Variants in MIPOL1 observed in about 807,000 individuals in gnomAD.
MIPOL1 encodes mirror-image polydactyly 1.
Under a neutral mutation model 60.9 loss-of-function variants are expected in MIPOL1, and 57 were observed. The observed-to-expected ratio is 0.94, with a 90% CI of 0.76 to 1.17. MIPOL1 has a LOEUF of 1.17. Among genes scored for constraint, MIPOL1 ranks in the 50% most tolerant of loss-of-function variants. The pLI is 0.00. For missense variants in MIPOL1, 551 were observed against 511.6 expected (o/e 1.08, Z -0.74); for synonymous variants, 179 against 168.8 (o/e 1.06, Z -0.47).
chr14:37,340,471 G>A (rs1303831013), intron 9 of MIPOL1, among the ~76,000 whole-genome samples: 1 of 152,116 alleles, frequency 6.6e-6, no homozygotes, highest in Non-Finnish European at 1.5e-5. Flanking sequence ...AGCACTTTGG[G>A]AGGCCAAGTC....
At chr14:37,477,166 C>T (rs1025576230) in intron 11 of MIPOL1, among the ~76,000 whole-genome samples, 2 of 152,018 alleles carry the variant, frequency 1.3e-5, no homozygotes. Context: ...TCCCAAAGTG[C>T]TAGGATTACA....
At chr14:37,450,252 T>A (rs547073553) in intron 11 of MIPOL1, among the ~76,000 whole-genome samples, 1 of 152,316 alleles carries the variant, frequency 6.6e-6, no homozygotes, top group South Asian at 2.1e-4. Context: ...TGTGTGGCTC[T>A]CCAGTTTGCT....
intron 9 of MIPOL1, among the ~76,000 whole-genome samples, chr14:37,364,650 G>C (rs1266202722): frequency 6.6e-6 from 1 of 152,158 alleles, no homozygotes; most frequent in Non-Finnish European, 1.5e-5. Flanking sequence ...TTAAAGTGAA[G>C]TAAAGAGATT....
chr14:37,551,868 G>A (rs957082995), downstream of MIPOL1: 1 of 143,228 alleles, frequency 7.0e-6, no homozygotes, highest in Non-Finnish European at 1.5e-5. Context: ...GACAGAGTGA[G>A]ACTGTCTCAA....
At chr14:37,290,208 T>TTG (rs1162171190) in intron 7 of MIPOL1, among the ~76,000 whole-genome samples, 1 of 152,080 alleles carries the variant, frequency 6.6e-6, no homozygotes, top group African/African-American at 2.4e-5. Flanking sequence ...CCCCATCCCC[T>TTG]TGTGTGTGTG....
chr14:37,235,601 T>C (rs1391062929), intron 1 of MIPOL1, among the ~76,000 whole-genome samples: 1 of 152,120 alleles, frequency 6.6e-6, no homozygotes, highest in Non-Finnish European at 1.5e-5. Context: ...AAAATGTACA[T>C]AACATAAATT....
At chr14:37,459,105 G>A (rs1284099866) in intron 11 of MIPOL1, among the ~76,000 whole-genome samples, 1 of 151,590 alleles carries the variant, frequency 6.6e-6, no homozygotes, top group Non-Finnish European at 1.5e-5. Flanking sequence ...CTCACCCCTA[G>A]GAACTAGAAA....
chr14:37,336,037 T>C (rs1595204700), intron 9 of MIPOL1, among the ~76,000 whole-genome samples: 2 of 151,970 alleles, frequency 1.3e-5, no homozygotes, highest in African/African-American at 4.8e-5. Flanking sequence ...TTAGGTCTTA[T>C]GTTTAGGTCT....
intron 10 of MIPOL1, among the ~76,000 whole-genome samples, chr14:37,419,440 G>T (rs922234623): frequency 6.6e-6 from 1 of 152,024 alleles, no homozygotes; most frequent in Admixed American, 6.6e-5. Flanking sequence ...AAAATTTACA[G>T]AACTATATAG....
At chr14:37,509,746 A>G (rs1184958992) in intron 12 of MIPOL1, among the ~76,000 whole-genome samples, 1 of 151,348 alleles carries the variant, frequency 6.6e-6, no homozygotes, top group East Asian at 1.9e-4. Flanking sequence ...TCACATGCAC[A>G]TGTGATACAC....
intron 6 of MIPOL1, among the ~76,000 whole-genome samples, chr14:37,272,311 C>G (rs2083357392): frequency 6.6e-6 from 1 of 151,462 alleles, no homozygotes; most frequent in Non-Finnish European, 1.5e-5. Flanking sequence ...TATCTTTCCT[C>G]TTTAATATTT....
At chr14:37,427,617 C>T (rs1253180223) in intron 11 of MIPOL1, among the ~76,000 whole-genome samples, 2 of 152,024 alleles carry the variant, frequency 1.3e-5, no homozygotes, top group Non-Finnish European at 2.9e-5. Context: ...AGAGAACACT[C>T]TGTGAGGATA....
chr14:37,410,108 TAACATAAAATTATA>T (rs1484902242), intron 10 of MIPOL1, among the ~76,000 whole-genome samples: 1 of 152,178 alleles, frequency 6.6e-6, no homozygotes, highest in Non-Finnish European at 1.5e-5. Flanking sequence ...TCTAGCATTC[TAACATAAAATTATA>T]AAAGTAGCCA....
chr14:37,333,940 G>T (rs1595192018), intron 9 of MIPOL1, among the ~76,000 whole-genome samples: 1 of 151,622 alleles, frequency 6.6e-6, no homozygotes, highest in East Asian at 2.0e-4. Flanking sequence ...CTATATGCTG[G>T]ACTTTAAAAT....
intron 1 of MIPOL1, among the ~76,000 whole-genome samples, chr14:37,241,484 G>T (rs549804058): frequency 6.6e-6 from 1 of 151,430 alleles, no homozygotes; most frequent in African/African-American, 2.4e-5. Flanking sequence ...TTGGGAGGCC[G>T]AGGTGGGAGA....
At chr14:37,240,966 C>T (rs1972264528) in intron 1 of MIPOL1, among the ~76,000 whole-genome samples, 1 of 150,916 alleles carries the variant, frequency 6.6e-6, no homozygotes, top group Non-Finnish European at 1.5e-5. Context: ...CACACACACA[C>T]ACAGGTTTAT....
chr14:37,428,016 A>G (rs2093995204), intron 11 of MIPOL1, among the ~76,000 whole-genome samples: 1 of 152,186 alleles, frequency 6.6e-6, no homozygotes, highest in African/African-American at 2.4e-5. Context: ...ATCAGTTTAC[A>G]TTTACATATA....
intron 7 of MIPOL1, among the ~76,000 whole-genome samples, chr14:37,287,016 A>T (rs959586907): frequency 6.6e-6 from 1 of 152,062 alleles, no homozygotes; most frequent in African/African-American, 2.4e-5. Flanking sequence ...AAGAGCACAG[A>T]TTCTGAACCC....
At position 37,268,626 on chromosome 14, in the gene MIPOL1, C is replaced by T. The variant is rs199516691; in HGVS notation, c.252-32C>T. ...AATGTCAAAAAATTAGTTTATCTTA[C>T]TCTGAAATGTTAATCAGTTTCTTTA... is the stretch of plus-strand genomic sequence containing the variant. On this transcript the variant is annotated intron_variant, in intron 4 of 12. Coordinates refer to ENST00000684589, the MANE Select transcript of MIPOL1 (RefSeq NM_001388067.1). The T allele has an allele frequency of 5.6e-4, 854 of 1,526,580 alleles. 4 individuals are homozygous for T. In the African/African-American group the frequency reaches 0.011, roughly 20 times the overall value. 94.6% of individuals were successfully genotyped at this position (1,526,580 alleles called of 1,614,324 possible). A position where few individuals can be genotyped will look rare whatever the true frequency, so the allele number is the denominator to read the frequency against.
Sources: gnomAD v4.1 joint callset for allele counts (sites outside exome capture counted in the v4.1 genomes callset) on GRCh38, gnomAD v4.1.1 for gene constraint, MANE v1.5 for transcripts, NCBI Gene and HGNC (gene_info 2026-07-23, HGNC 2026-07-21) for gene names.